CCBE1: variants seen among roughly 807,000 people sequenced by gnomAD.
The protein encoded by CCBE1 is collagen and calcium binding EGF domains 1.
CCBE1 carries 37 observed loss-of-function variants against 50.0 expected under a neutral mutation model. The observed-to-expected ratio is 0.74, with a 90% CI of 0.57 to 0.97. The LOEUF (loss-of-function observed/expected upper bound fraction) is 0.97, where lower values mean the gene tolerates loss of function less well. CCBE1 is among the 50% of genes least tolerant of loss of function. The probability of loss-of-function intolerance (pLI) is 0.00; values close to 1 mark genes in which losing one functional copy is unlikely to be tolerated. For synonymous variants in CCBE1, 234 were observed against 203.7 expected (o/e 1.15, Z -1.27); for missense variants, 538 against 523.8 (o/e 1.03, Z -0.26).
At chr18:59,459,239 C>T (rs1246425698) in intron 5 of CCBE1, 1 of 152,186 alleles carries the variant, frequency 6.6e-6, no homozygotes, top group Non-Finnish European at 1.5e-5. Context: ...TTCAATACAG[C>T]TCTCAAGGGT....
At position 59,682,151 on chromosome 18, in the gene CCBE1, C is replaced by G. The variant is rs140521683; in HGVS notation, c.212+14478G>C. ...GGCCAAGGTGGGCAGATCATGAGGT[C>G]TAGAAATCGAGACCATCCTGGCCAA... is the stretch of plus-strand genomic sequence containing the variant. On this transcript the variant is annotated intron_variant, in intron 2 of 10. Transcript: ENST00000439986. Among the ~76,000 whole-genome samples the G allele has an allele frequency of 3.0e-4, 46 of 152,298 alleles. 1 individual carries two copies. Among genetic ancestry groups the G allele is most frequent in the African/African-American group, 1.1e-3 (46 of 41,560 alleles).
chr18:59,463,839 A>C (rs1048363545), intron 5 of CCBE1, among the ~76,000 whole-genome samples: 5 of 152,190 alleles, frequency 3.3e-5, no homozygotes, highest in African/African-American at 1.2e-4. Context: ...CTGTAGATAA[A>C]TCTGAGGCAA....
At chr18:59,498,595 C>G (rs1913466474) in intron 2 of CCBE1, among the ~76,000 whole-genome samples, 1 of 152,214 alleles carries the variant, frequency 6.6e-6, no homozygotes, top group African/African-American at 2.4e-5. Context: ...CTGTACCAGA[C>G]AGAGCAAAGC....
intron 2 of CCBE1, among the ~76,000 whole-genome samples, chr18:59,690,656 G>C (rs1038600470): frequency 6.6e-6 from 1 of 152,230 alleles, no homozygotes; most frequent in African/African-American, 2.4e-5. Context: ...AACTGGATCT[G>C]ATCTCAAAGG....
chr18:59,591,980 G>A (rs536442530), intron 2 of CCBE1, among the ~76,000 whole-genome samples: 25 of 152,306 alleles, frequency 1.6e-4, no homozygotes, highest in African/African-American at 5.1e-4. Flanking sequence ...TGATGCCCCA[G>A]ATAGAAAATG....
intron 2 of CCBE1, among the ~76,000 whole-genome samples, chr18:59,499,479 G>A (rs1913513772): frequency 1.3e-5 from 2 of 152,140 alleles, no homozygotes; most frequent in East Asian, 1.9e-4. Flanking sequence ...CACATGGCTC[G>A]GGAGGCCTCA....
intron 2 of CCBE1, among the ~76,000 whole-genome samples, chr18:59,620,000 C>A (rs2053690292): frequency 6.6e-6 from 1 of 152,106 alleles, no homozygotes. Flanking sequence ...CAGTCCCATT[C>A]AACACTTCCA....
intron 2 of CCBE1, among the ~76,000 whole-genome samples, chr18:59,487,961 T>C (rs944577121): frequency 7.2e-5 from 11 of 152,190 alleles, no homozygotes; most frequent in Admixed American, 2.0e-4. Context: ...CATCAATGGA[T>C]GAACGGATAA....
intron 6 of CCBE1, among the ~76,000 whole-genome samples, chr18:59,449,392 C>T (rs1373132863): frequency 1.3e-5 from 2 of 149,776 alleles, no homozygotes; most frequent in African/African-American, 2.5e-5. Flanking sequence ...GAGGCCAAGG[C>T]AGGTGGATCA....
intron 3 of CCBE1, among the ~76,000 whole-genome samples, chr18:59,474,379 C>T (rs1598932702): frequency 6.6e-6 from 1 of 152,170 alleles, no homozygotes; most frequent in South Asian, 2.1e-4. Flanking sequence ...GATTTTATGA[C>T]ATCTGGGTAT....
intron 3 of CCBE1, among the ~76,000 whole-genome samples, chr18:59,473,076 C>A (rs1912114583): frequency 6.6e-6 from 1 of 152,170 alleles, no homozygotes; most frequent in Admixed American, 6.5e-5. Context: ...GGGACACAGC[C>A]AAACCATATA....
intron 2 of CCBE1, among the ~76,000 whole-genome samples, chr18:59,512,475 C>A (rs1914173755): frequency 6.6e-6 from 1 of 152,374 alleles, no homozygotes; most frequent in South Asian, 2.1e-4. Context: ...TACAAGGGAA[C>A]CTTTCTAATT....
intron 2 of CCBE1, among the ~76,000 whole-genome samples, chr18:59,623,049 ACT>A (rs2053733883): frequency 6.6e-6 from 1 of 152,166 alleles, no homozygotes; most frequent in Non-Finnish European, 1.5e-5. Context: ...TTTTAGGTTC[ACT>A]GATTGTAATA....
intron 2 of CCBE1, among the ~76,000 whole-genome samples, chr18:59,577,774 T>G (rs941498678): frequency 2.6e-5 from 4 of 152,124 alleles, no homozygotes; most frequent in African/African-American, 7.2e-5. Context: ...AGTGAATTAG[T>G]CACAAAGGAA....
At chr18:59,697,453 A>G (rs1200091411), upstream of CCBE1, 6 of 1,424,338 alleles carry the variant, frequency 4.2e-6, no homozygotes, top group East Asian at 1.0e-4. Context: ...GCCGGAGAGC[A>G]GGGGCGTTTG....
upstream of CCBE1, chr18:59,697,686 C>A: frequency 3.9e-6 from 1 of 253,800 alleles, no homozygotes. Flanking sequence ...GCCCTCGCCT[C>A]TTCCCTCTCC....
At chr18:59,604,340 T>C (rs1348239548) in intron 2 of CCBE1, among the ~76,000 whole-genome samples, 1 of 152,210 alleles carries the variant, frequency 6.6e-6, no homozygotes, top group East Asian at 1.9e-4. Context: ...CAAGTCTGTC[T>C]GACTTCACAC....
chr18:59,514,808 A>G (rs547442323), intron 2 of CCBE1, among the ~76,000 whole-genome samples: 1 of 152,104 alleles, frequency 6.6e-6, no homozygotes, highest in African/African-American at 2.4e-5. Context: ...CAGCAGACAC[A>G]TTTTAAGTTT....
At chr18:59,670,137 G>A (rs1043224901) in intron 2 of CCBE1, among the ~76,000 whole-genome samples, 2 of 142,662 alleles carry the variant, frequency 1.4e-5, no homozygotes, top group African/African-American at 5.2e-5. Context: ...GGGGGTGGGG[G>A]AAGGGTGGAA....
Sources: allele counts gnomAD v4.1 joint callset (sites outside exome capture counted in the v4.1 genomes callset), GRCh38; gene constraint gnomAD v4.1.1; transcripts MANE v1.5; gene names NCBI Gene and HGNC (gene_info 2026-07-23, HGNC 2026-07-21).